SLCO3A1: variants seen among roughly 807,000 people sequenced by gnomAD.
SLCO3A1 encodes solute carrier organic anion transporter family member 3A1.
SLCO3A1 carries 27 observed loss-of-function variants against 63.1 expected under a neutral mutation model. That is an observed-to-expected ratio of 0.43 (90% CI 0.32 to 0.59). The LOEUF (loss-of-function observed/expected upper bound fraction) is 0.59, where lower values mean the gene tolerates loss of function less well. Ranked by LOEUF, SLCO3A1 falls within the 20% of genes least tolerant of loss-of-function variation. SLCO3A1 has a pLI of 0.09. For missense variants in SLCO3A1, 773 were observed against 945.8 expected (o/e 0.82, Z 2.40); for synonymous variants, 473 against 409.9 (o/e 1.15, Z -1.86).
intron 2 of SLCO3A1, among the ~76,000 whole-genome samples, chr15:91,921,461 A>G (rs986468167): frequency 2.0e-5 from 3 of 152,208 alleles, no homozygotes; most frequent in Non-Finnish European, 4.4e-5. Context: ...AACCAAGACT[A>G]CACTCCTGCC....
At chr15:92,058,302 G>T (rs1404615595) in intron 2 of SLCO3A1, among the ~76,000 whole-genome samples, 1 of 152,184 alleles carries the variant, frequency 6.6e-6, no homozygotes, top group Non-Finnish European at 1.5e-5. Flanking sequence ...TTAAGGGAAA[G>T]AGGCCTGTCT....
intron 2 of SLCO3A1, among the ~76,000 whole-genome samples, chr15:91,928,031 G>A (rs1041071564): frequency 6.6e-6 from 1 of 152,204 alleles, no homozygotes; most frequent in Non-Finnish European, 1.5e-5. Context: ...GACAAGACAA[G>A]GTAAAAAGGC....
At chr15:92,161,994 A>G (rs2048444500) in intron 9 of SLCO3A1, 1 of 152,172 alleles carries the variant, frequency 6.6e-6, no homozygotes, top group African/African-American at 2.4e-5. Context: ...CGCTGCTTTC[A>G]CTGACACTAA....
intron 4 of SLCO3A1, among the ~76,000 whole-genome samples, chr15:92,104,979 C>T (rs1039721933): frequency 6.8e-6 from 1 of 147,766 alleles, no homozygotes; most frequent in South Asian, 2.4e-4. Context: ...GGCTGTAATC[C>T]CAGCCACCGC....
At position 91,944,676 on chromosome 15, in the gene SLCO3A1, C is replaced by T. The variant is rs146896712; in HGVS notation, c.646+28218C>T. On this transcript the variant is annotated intron_variant, in intron 2 of 9. Coordinates refer to ENST00000318445, the MANE Select transcript of SLCO3A1 (RefSeq NM_013272.4). The stretch of plus-strand genomic sequence containing the variant: ...CAGAGTAATCCTTCCCACTCTCCCC[C>T]GAGATGCTTTTCAAAGAGGAGCCTG... Among the ~76,000 whole-genome samples the T allele has an allele frequency of 1.1e-4, 16 of 152,216 alleles. No homozygotes were observed. In the East Asian group the frequency reaches 2.7e-3, roughly 26 times the overall value.
chr15:91,868,354 CTTT>C (rs72068160), intron 1 of SLCO3A1, among the ~76,000 whole-genome samples: 22 of 104,874 alleles, frequency 2.1e-4, no homozygotes, highest in African/African-American at 2.5e-4. Context: ...ACCCAGCCGG[CTTT>C]TTTTTTTTTT....
intron 7 of SLCO3A1, among the ~76,000 whole-genome samples, chr15:92,142,985 A>T (rs1171876734): frequency 2.0e-5 from 3 of 152,060 alleles, no homozygotes; most frequent in African/African-American, 4.8e-5. Context: ...CACATGGCTC[A>T]TTCAGAGGGT....
intron 3 of SLCO3A1, among the ~76,000 whole-genome samples, chr15:92,102,349 T>C (rs1419547221): frequency 1.3e-5 from 2 of 152,178 alleles, no homozygotes; most frequent in African/African-American, 4.8e-5. Flanking sequence ...AAGATCCCTA[T>C]TTTGAGATTC....
intron 2 of SLCO3A1, among the ~76,000 whole-genome samples, chr15:92,018,032 G>A (rs1346951020): frequency 6.6e-6 from 1 of 152,192 alleles, no homozygotes; most frequent in Non-Finnish European, 1.5e-5. Flanking sequence ...TGCCAGCGAT[G>A]AGATGACAGA....
chr15:92,030,832 G>A (rs58431213), intron 2 of SLCO3A1, among the ~76,000 whole-genome samples: 28,326 of 152,068 alleles, frequency 0.19, 2,847 homozygotes, highest in Non-Finnish European at 0.21. Flanking sequence ...ACTGAACTAC[G>A]TGTTGAGATG....
At chr15:91,871,765 G>GTTTTTTTTTTTTTTTTTTT (rs33938693) in intron 1 of SLCO3A1, among the ~76,000 whole-genome samples, 1 of 45,688 alleles carries the variant, frequency 2.2e-5, no homozygotes, top group African/African-American at 9.1e-5. Context: ...TTTTTTTTTG[G>GTTTTTTTTTTTTTTTTTTT]TTTTTTTTTT....
chr15:91,891,752 A>G (rs997593225), intron 1 of SLCO3A1, among the ~76,000 whole-genome samples: 1 of 152,230 alleles, frequency 6.6e-6, no homozygotes, highest in African/African-American at 2.4e-5. Context: ...AATATATAGT[A>G]AATAGGAAAA....
rs550306089 is a variant in SLCO3A1 at position 91,935,355 on chromosome 15, T to C, written c.646+18897T>C. 5.6e-4 allele frequency among the ~76,000 whole-genome samples: 85 copies of C among 152,284 alleles called. 1 individual carries two copies. Among genetic ancestry groups the C allele is most frequent in the African/African-American group, 2.0e-3 (83 of 41,562 alleles). ...GCAACACAAGGGACTTTTGTAAATG[T>C]GGTGTAATTCTCCTCCATTGAGGAA... On this transcript the variant is annotated intron_variant, in intron 2 of 9. Transcript: ENST00000318445.
chr15:91,895,365 A>G (rs1313400448), intron 1 of SLCO3A1, among the ~76,000 whole-genome samples: 7 of 152,226 alleles, frequency 4.6e-5, no homozygotes, highest in Admixed American at 4.6e-4. Context: ...ACAATGAACC[A>G]GGAAAGGAAG....
chr15:92,125,067 G>T (rs2047904987), intron 5 of SLCO3A1, among the ~76,000 whole-genome samples: 1 of 152,166 alleles, frequency 6.6e-6, no homozygotes, highest in Non-Finnish European at 1.5e-5. Context: ...TTTTAAGTAT[G>T]ACTTGTGCTG....
At chr15:91,880,150 C>CTATCT (rs1897526327) in intron 1 of SLCO3A1, among the ~76,000 whole-genome samples, 2 of 144,024 alleles carry the variant, frequency 1.4e-5, no homozygotes, top group African/African-American at 5.5e-5. Flanking sequence ...TCCATCCATC[C>CTATCT]ATCCATCCAT....
intron 1 of SLCO3A1, among the ~76,000 whole-genome samples, chr15:91,878,738 T>G (rs915925787): frequency 5.9e-5 from 9 of 152,210 alleles, no homozygotes; most frequent in African/African-American, 2.2e-4. Context: ...CAGAAAAATT[T>G]TCATTCACAG....
rs545269756 is a variant in SLCO3A1 at position 91,885,064 on chromosome 15, G to C, written c.181-30929G>C. On this transcript the variant is annotated intron_variant, in intron 1 of 9. Coordinates refer to ENST00000318445, the MANE Select transcript of SLCO3A1 (RefSeq NM_013272.4). This position sits in a 1 kb window ranked among gnomAD's most constrained non-coding sequence, Gnocchi z 4.7. The stretch of plus-strand genomic sequence containing the variant: ...TTCTCCAATTCTTGTTCCTTTAGAA[G>C]TAAAAAGCCTTTCCGTCCCATATAG... 6.6e-6 allele frequency among the ~76,000 whole-genome samples: 1 copy of C among 152,250 alleles called. No homozygotes were observed. The highest frequency in any genetic ancestry group is 1.9e-4 in the East Asian group (1 of 5,174).
intron 2 of SLCO3A1, among the ~76,000 whole-genome samples, chr15:91,995,084 C>CT (rs2151447678): frequency 6.6e-6 from 1 of 152,306 alleles, no homozygotes; most frequent in African/African-American, 2.4e-5. Flanking sequence ...GCACAACACT[C>CT]TACAGAGTGG....
Sources: allele counts gnomAD v4.1 joint callset (sites outside exome capture counted in the v4.1 genomes callset), GRCh38; gene constraint gnomAD v4.1.1; non-coding constraint Gnocchi (gnomAD v3.1); transcripts MANE v1.5; gene names NCBI Gene and HGNC (gene_info 2026-07-23, HGNC 2026-07-21).